Variants in USH2A observed in about 807,000 individuals in gnomAD.
USH2A encodes the protein Usher syndrome 2A (autosomal recessive, mild).
In USH2A, 443 loss-of-function variants were observed where a neutral mutation model predicts 538.9. That is an observed-to-expected ratio of 0.82 (90% confidence interval 0.76 to 0.89). The LOEUF (loss-of-function observed/expected upper bound fraction) is 0.89, where lower values mean the gene tolerates loss of function less well. Ranked by LOEUF, USH2A falls within the 40% of genes least tolerant of loss-of-function variation. The probability of loss-of-function intolerance (pLI) is 0.00; values close to 1 mark genes in which losing one functional copy is unlikely to be tolerated. For missense variants in USH2A, 6,633 were observed against 6,324.8 expected (o/e 1.05, Z -1.65); for synonymous variants, 2,413 against 2,273.5 (o/e 1.06, Z -1.75).
chr1:216,369,338 C>T (rs928947923), intron 3 of USH2A, among the ~76,000 whole-genome samples: 4 of 152,084 alleles, frequency 2.6e-5, no homozygotes, highest in African/African-American at 9.7e-5. Context: ...CATCCTATTG[C>T]TTACCATCCT....
Position 215,888,794 on chromosome 1 carries a change from T to C in USH2A, c.7855A>G (p.Thr2619Ala). The C allele has an allele frequency of 1.2e-6, 2 of 1,614,112 alleles. No individual in the cohort carries two copies. The highest frequency in any genetic ancestry group is 2.2e-5 in the South Asian group (2 of 91,080). ...SLSPESQTVW[T>A]LPGAPEGIPS... is the part of the protein sequence containing the mutation. ...ATCCCTTCCGGTGCCCCTGGGAGTG[T>C]CCATACAGTCTGGGACTCTGGTGAA... Residue 2619 changes from threonine (T) to alanine (A), a missense_variant, in exon 41 of 72, where the codon ACA becomes GCA. Thr to Ala is a moderately conservative substitution (Grantham distance 58). Coordinates refer to ENST00000307340, the MANE Select transcript of USH2A (RefSeq NM_206933.4).
chr1:216,132,658 G>A (rs767015414), intron 21 of USH2A, among the ~76,000 whole-genome samples: 3 of 152,094 alleles, frequency 2.0e-5, no homozygotes, highest in Non-Finnish European at 4.4e-5. Context: ...TGTTTTGGCT[G>A]AAGAAACTGA....
At chr1:216,018,811 T>TATC (rs34133201) in intron 32 of USH2A, among the ~76,000 whole-genome samples, 132,616 of 151,792 alleles carry the variant, frequency 0.87, 58,225 homozygotes, top group African/African-American at 0.96. Context: ...TTATTATTAT[T>TATC]ATTATCTCTG....
At chr1:216,417,829 G>A (rs1264878383) in intron 3 of USH2A, among the ~76,000 whole-genome samples, 1 of 151,980 alleles carries the variant, frequency 6.6e-6, no homozygotes, top group African/African-American at 2.4e-5. Flanking sequence ...GTGGAAGAAT[G>A]GACTAATACA....
At chr1:216,321,800 A>G in intron 9 of USH2A, 83 bp downstream of exon 9, 1 of 1,231,662 alleles carries the variant, frequency 8.1e-7, no homozygotes, top group South Asian at 1.2e-5. Flanking sequence ...TTCATTTGTT[A>G]GGCCAAGATT....
At chr1:215,931,612 G>A (rs898052329) in intron 38 of USH2A, among the ~76,000 whole-genome samples, 1 of 151,920 alleles carries the variant, frequency 6.6e-6, no homozygotes, top group South Asian at 2.1e-4. Flanking sequence ...AAAATACAAG[G>A]TTGCTGAGGT....
At chr1:216,282,703 C>T (rs1297350274) in intron 11 of USH2A, among the ~76,000 whole-genome samples, 1 of 152,030 alleles carries the variant, frequency 6.6e-6, no homozygotes, top group African/African-American at 2.4e-5. Context: ...ATTTTTGAGT[C>T]CCATGAATTT....
At chr1:216,316,007 G>C (rs1016980735) in intron 9 of USH2A, among the ~76,000 whole-genome samples, 5 of 152,054 alleles carry the variant, frequency 3.3e-5, no homozygotes, top group South Asian at 2.1e-4. Flanking sequence ...TTCTTGGAAA[G>C]AAATGCGACA....
chr1:216,373,011 T>C (rs2038743986), intron 3 of USH2A, among the ~76,000 whole-genome samples: 1 of 152,156 alleles, frequency 6.6e-6, no homozygotes, highest in African/African-American at 2.4e-5. Flanking sequence ...GTCCTCTCCT[T>C]AAAAGTGAGT....
chr1:215,688,690 G>C (rs934306234), intron 61 of USH2A, among the ~76,000 whole-genome samples: 3 of 152,106 alleles, frequency 2.0e-5, no homozygotes, highest in Non-Finnish European at 4.4e-5. Context: ...TGCATGCAGA[G>C]AGATATCTCT....
chr1:216,134,222 G>A (rs2033434835), intron 21 of USH2A, among the ~76,000 whole-genome samples: 1 of 151,986 alleles, frequency 6.6e-6, no homozygotes, highest in Admixed American at 6.6e-5. Flanking sequence ...GAACATAAAA[G>A]TTTTGAAAAT....
At position 215,753,812 on chromosome 1, in the gene USH2A, A is replaced by G. The variant is rs1215614452; in HGVS notation, c.11389+4783T>C. On this transcript the variant is annotated intron_variant, in intron 58 of 71. Transcript: ENST00000307340. ...TGTACCCTAAAACTTAAAGTATAAT[A>G]AAAGAAAAAAAATTAAAAAAAAATA... Among the ~76,000 whole-genome samples the G allele has an allele frequency of 7.3e-4, 111 of 152,024 alleles. 1 individual carries two copies. The highest frequency in any genetic ancestry group is 4.4e-5 in the Non-Finnish European group (3 of 68,026).
chr1:216,000,655 G>T, intron 32 of USH2A, 93 bp from the exon 33 acceptor site: 1 of 1,473,496 alleles, frequency 6.8e-7, no homozygotes, highest in Non-Finnish European at 9.5e-7. Flanking sequence ...TCAGAGAATT[G>T]TTAAGATAAG....
intron 35 of USH2A, 89 bp downstream of exon 35, chr1:215,992,931 A>C: frequency 6.3e-7 from 1 of 1,575,218 alleles, no homozygotes; most frequent in Non-Finnish European, 8.7e-7. Flanking sequence ...ATCATTAAAA[A>C]TTAAGCACCA....
At chr1:216,116,035 A>T (rs2102589981) in intron 21 of USH2A, among the ~76,000 whole-genome samples, 1 of 151,766 alleles carries the variant, frequency 6.6e-6, no homozygotes, top group South Asian at 2.1e-4. Context: ...TACTAATTGT[A>T]GTTATAAAAA....
chr1:215,733,126 C>G (rs1480731494), intron 60 of USH2A, among the ~76,000 whole-genome samples: 1 of 134,788 alleles, frequency 7.4e-6, no homozygotes, highest in Non-Finnish European at 1.5e-5. Context: ...AGGAAGCTTA[C>G]AACTATGATG....
At chr1:215,993,491 G>C (rs1006044268) in intron 34 of USH2A, among the ~76,000 whole-genome samples, 1 of 129,152 alleles carries the variant, frequency 7.7e-6, no homozygotes, top group Non-Finnish European at 1.6e-5. Context: ...CTTGCACAAA[G>C]GTTCCCAGAG....
In USH2A at chr1:215,782,779, T is replaced by G. The variant is rs527236119; in HGVS notation, c.10544A>C (p.Asp3515Ala). The part of the protein sequence containing the change: ...PTWTKIDNLE[D>A]TIVLNWRKPI... ...TTTTCTCCAGTTTAAGACAATTGTA[T>G]CTTCAAGATTGTCTATTTTGGTCCA... The change falls in exon 53 of 72, where the codon GAT (aspartate) becomes GCT (alanine). Residue 3515 changes from aspartate (D) to alanine (A), a missense_variant. Coordinates refer to ENST00000307340, the MANE Select transcript of USH2A (RefSeq NM_206933.4). The G allele has an allele frequency of 6.8e-6, 11 of 1,614,012 alleles. No homozygotes were observed. Among genetic ancestry groups the G allele is most frequent in the Non-Finnish European group, 9.3e-6 (11 of 1,179,910 alleles).
intron 38 of USH2A, among the ~76,000 whole-genome samples, chr1:215,904,222 T>A (rs556761563): frequency 1.3e-5 from 2 of 152,182 alleles, no homozygotes; most frequent in East Asian, 3.9e-4. Flanking sequence ...GTTTTTAATA[T>A]GCACACAAAA....
Sources: allele counts gnomAD v4.1 joint callset (sites outside exome capture counted in the v4.1 genomes callset), GRCh38; gene constraint gnomAD v4.1.1; transcripts MANE v1.5; gene names NCBI Gene and HGNC (gene_info 2026-07-23, HGNC 2026-07-21).